The following EXOC4 variants were observed in gnomAD, a reference collection of about 807,000 sequenced individuals.
The protein encoded by EXOC4 is exocyst complex component 4.
A neutral mutation model predicts 107.2 loss-of-function variants in EXOC4; 71 were observed. The ratio of observed to expected loss-of-function variants is 0.66; its 90% CI spans 0.55 to 0.81. The LOEUF (loss-of-function observed/expected upper bound fraction) is 0.81, where lower values mean the gene tolerates loss of function less well. Among genes scored for constraint, EXOC4 ranks in the 30% least tolerant of loss-of-function variants. The probability of loss-of-function intolerance (pLI) is 0.00; values close to 1 mark genes in which losing one functional copy is unlikely to be tolerated. For synonymous variants in EXOC4, 456 were observed against 441.2 expected (o/e 1.03, Z -0.42); for missense variants, 1,108 against 1,189.6 (o/e 0.93, Z 1.01).
At chr7:133,666,410 C>T (rs552027119) in intron 10 of EXOC4, among the ~76,000 whole-genome samples, 1 of 151,968 alleles carries the variant, frequency 6.6e-6, no homozygotes, top group Non-Finnish European at 1.5e-5. Context: ...GATTGATAGC[C>T]ATGTCATATA....
intron 2 of EXOC4, among the ~76,000 whole-genome samples, chr7:133,275,829 T>C (rs1370037608): frequency 6.6e-6 from 1 of 151,902 alleles, no homozygotes; most frequent in African/African-American, 2.4e-5. Context: ...TTTTTTTTTT[T>C]TAGAGTTGGA....
intron 5 of EXOC4, among the ~76,000 whole-genome samples, chr7:133,347,749 G>T (rs1169997900): frequency 6.6e-6 from 1 of 152,158 alleles, no homozygotes; most frequent in Non-Finnish European, 1.5e-5. Flanking sequence ...GTGTGTGTGT[G>T]TGTAGGGGGC....
At chr7:133,530,859 C>T (rs1800169144) in intron 9 of EXOC4, among the ~76,000 whole-genome samples, 1 of 152,180 alleles carries the variant, frequency 6.6e-6, no homozygotes, top group Non-Finnish European at 1.5e-5. Flanking sequence ...GTTCACTTTT[C>T]ATGCCAAGGC....
At chr7:133,943,187 G>A (rs1002987627) in intron 14 of EXOC4, among the ~76,000 whole-genome samples, 1 of 152,132 alleles carries the variant, frequency 6.6e-6, no homozygotes. Context: ...CATCACTGAG[G>A]TCATTGATAA....
intron 17 of EXOC4, among the ~76,000 whole-genome samples, chr7:134,018,464 A>G (rs981133831): frequency 6.6e-6 from 1 of 152,020 alleles, no homozygotes; most frequent in African/African-American, 2.4e-5. Flanking sequence ...GCTTTACTGA[A>G]CACCCTTTGC....
intron 9 of EXOC4, among the ~76,000 whole-genome samples, chr7:133,577,854 A>G (rs1454923603): frequency 6.6e-6 from 1 of 150,962 alleles, no homozygotes; most frequent in Non-Finnish European, 1.5e-5. Context: ...CTGACTTTCA[A>G]AAAAAAAGTT....
At chr7:133,885,024 A>G (rs930015059) in intron 11 of EXOC4, among the ~76,000 whole-genome samples, 1 of 152,146 alleles carries the variant, frequency 6.6e-6, no homozygotes, top group Admixed American at 6.6e-5. Flanking sequence ...GAATTAAGAT[A>G]CAGCATAGTG....
chr7:133,665,834 TGTTTTGTCATTTTC>T (rs1793798190), intron 10 of EXOC4, among the ~76,000 whole-genome samples: 1 of 152,178 alleles, frequency 6.6e-6, no homozygotes, highest in African/African-American at 2.4e-5. Flanking sequence ...CCTTCATTTT[TGTTTTGTCATTTTC>T]AAGCTAGATT....
chr7:133,276,323 T>C (rs1248283138), intron 2 of EXOC4, among the ~76,000 whole-genome samples: 1 of 152,218 alleles, frequency 6.6e-6, no homozygotes, highest in African/African-American at 2.4e-5. Flanking sequence ...ATTATAGTTA[T>C]GTGGTTTTTA....
chr7:134,070,435 A>T (rs11765630), downstream of EXOC4, among the ~76,000 whole-genome samples: 112,428 of 152,014 alleles, frequency 0.74, 41,971 homozygotes, highest in East Asian at 0.87. Flanking sequence ...TCCTATTCCA[A>T]CTGGACTGGG....
intron 10 of EXOC4, among the ~76,000 whole-genome samples, chr7:133,795,098 C>T (rs1364946171): frequency 2.0e-5 from 3 of 152,040 alleles, no homozygotes; most frequent in South Asian, 2.1e-4. Flanking sequence ...TCAAGTATTA[C>T]GCAGCCAGCT....
At chr7:133,454,994 G>A (rs71535750) in intron 7 of EXOC4, among the ~76,000 whole-genome samples, 7 of 152,140 alleles carry the variant, frequency 4.6e-5, no homozygotes, top group African/African-American at 1.7e-4. Flanking sequence ...GCTGAGGCGG[G>A]AGGATTGCTT....
At chr7:133,869,459 C>G (rs1798707600) in intron 11 of EXOC4, among the ~76,000 whole-genome samples, 1 of 152,054 alleles carries the variant, frequency 6.6e-6, no homozygotes, top group African/African-American at 2.4e-5. Context: ...GAAGTCTTGT[C>G]CCTGCTTAGC....
intron 10 of EXOC4, among the ~76,000 whole-genome samples, chr7:133,665,921 A>G (rs991332059): frequency 6.6e-6 from 1 of 152,204 alleles, no homozygotes; most frequent in Non-Finnish European, 1.5e-5. Context: ...GGCCTATTTC[A>G]AGACCCTGGT....
intron 14 of EXOC4, among the ~76,000 whole-genome samples, chr7:133,942,507 T>C (rs1800454542): frequency 1.3e-5 from 2 of 152,176 alleles, no homozygotes; most frequent in African/African-American, 4.8e-5. Flanking sequence ...TATATACTTA[T>C]TTCTTACAGG....
chr7:133,697,638 G>A (rs1040893174), intron 10 of EXOC4, among the ~76,000 whole-genome samples: 5 of 152,176 alleles, frequency 3.3e-5, no homozygotes, highest in African/African-American at 1.2e-4. Flanking sequence ...CTGCGATGGG[G>A]CCTCGCAGTG....
At chr7:133,983,698 C>G (rs1046673986) in intron 14 of EXOC4, among the ~76,000 whole-genome samples, 10 of 141,770 alleles carry the variant, frequency 7.1e-5, no homozygotes, top group African/African-American at 2.4e-4. Flanking sequence ...TTCTGCTAAG[C>G]TTAAATCTGT....
intron 9 of EXOC4, among the ~76,000 whole-genome samples, chr7:133,510,422 G>T (rs1799747418): frequency 6.6e-6 from 1 of 152,096 alleles, no homozygotes; most frequent in Non-Finnish European, 1.5e-5. Flanking sequence ...ATGCTGCTGT[G>T]AACATTGCTC....
chr7:133,784,455 A>G (rs1428831443), intron 10 of EXOC4, among the ~76,000 whole-genome samples: 1 of 152,090 alleles, frequency 6.6e-6, no homozygotes, highest in African/African-American at 2.4e-5. Context: ...CACCCTGGAC[A>G]TCAGTATTCA....
Sources: allele counts gnomAD v4.1 joint callset (sites outside exome capture counted in the v4.1 genomes callset), GRCh38; gene constraint gnomAD v4.1.1; transcripts MANE v1.5; gene names NCBI Gene and HGNC (gene_info 2026-07-23, HGNC 2026-07-21).